Variants in ATOSA observed in about 807,000 individuals in gnomAD.
The protein encoded by ATOSA is atos homolog protein A.
At chr15:52,587,852 C>T in the ATOSA span, among the ~76,000 whole-genome samples, 1 of 152,102 alleles carries the variant, frequency 6.6e-6, no homozygotes, top group Non-Finnish European at 1.5e-5. Flanking sequence ...ATCTCACTTT[C>T]CTAAAATTAA....
the ATOSA span, among the ~76,000 whole-genome samples, chr15:52,623,245 T>C: frequency 6.6e-6 from 1 of 151,984 alleles, no homozygotes; most frequent in Non-Finnish European, 1.5e-5. Flanking sequence ...TTATTCTAAA[T>C]GGAATGGGGA....
chr15:52,647,000 G>A, the ATOSA span, among the ~76,000 whole-genome samples: 1 of 152,114 alleles, frequency 6.6e-6, no homozygotes, highest in South Asian at 2.1e-4. Flanking sequence ...ATACACCAAT[G>A]CAATGTAGTC....
the ATOSA span, among the ~76,000 whole-genome samples, chr15:52,622,813 G>C: frequency 1.3e-5 from 2 of 151,988 alleles, no homozygotes; most frequent in African/African-American, 2.4e-5. Context: ...AGTGGGGAGA[G>C]AGGGAAAGCA....
the ATOSA span, among the ~76,000 whole-genome samples, chr15:52,626,871 C>A: frequency 6.6e-6 from 1 of 152,144 alleles, no homozygotes; most frequent in Non-Finnish European, 1.5e-5. Flanking sequence ...CTGTCAAGGT[C>A]ATTCTTGTTG....
chr15:52,621,456 CAG>C, the ATOSA span, among the ~76,000 whole-genome samples: 2 of 152,182 alleles, frequency 1.3e-5, no homozygotes, highest in African/African-American at 4.8e-5. Context: ...TTTAATTAAT[CAG>C]AGTTATTACT....
the ATOSA span, among the ~76,000 whole-genome samples, chr15:52,663,676 C>T: frequency 1.4e-4 from 22 of 152,162 alleles, no homozygotes; most frequent in Admixed American, 1.0e-3. Context: ...GGCTAGAGTG[C>T]AATGGCTTTA....
At chr15:52,622,898 G>A in the ATOSA span, among the ~76,000 whole-genome samples, 1 of 152,052 alleles carries the variant, frequency 6.6e-6, no homozygotes, top group East Asian at 1.9e-4. Flanking sequence ...CAAGATGGGT[G>A]GATTGCTTAA....
the ATOSA span, among the ~76,000 whole-genome samples, chr15:52,619,251 A>G: frequency 1.4e-4 from 21 of 152,190 alleles, no homozygotes; most frequent in Admixed American, 3.3e-4. Flanking sequence ...GTACTTGAAA[A>G]TTGGCAGTAA....
the ATOSA span, among the ~76,000 whole-genome samples, chr15:52,680,135 G>A: frequency 1.4e-4 from 22 of 152,196 alleles, no homozygotes; most frequent in East Asian, 4.2e-3. Flanking sequence ...TTGTTGGGGA[G>A]CTGTAATTTT....
the ATOSA span, among the ~76,000 whole-genome samples, chr15:52,655,707 A>G: frequency 6.6e-6 from 1 of 152,160 alleles, no homozygotes; most frequent in Non-Finnish European, 1.5e-5. Context: ...TTTGAGGGAT[A>G]GGGGATAATG....
the ATOSA span, among the ~76,000 whole-genome samples, chr15:52,620,992 G>C: frequency 6.6e-6 from 1 of 152,114 alleles, no homozygotes; most frequent in Non-Finnish European, 1.5e-5. Context: ...GCGCAATCGA[G>C]TATTGTGAAT....
chr15:52,596,979 G>A, the ATOSA span, among the ~76,000 whole-genome samples: 1 of 152,116 alleles, frequency 6.6e-6, no homozygotes, highest in South Asian at 2.1e-4. Flanking sequence ...AGTCATCAGG[G>A]AAATACAAAT....
At chr15:52,677,105 A>G in the ATOSA span, among the ~76,000 whole-genome samples, 1 of 152,230 alleles carries the variant, frequency 6.6e-6, no homozygotes, top group African/African-American at 2.4e-5. Flanking sequence ...CTTTGAAAAA[A>G]TATATGGAAA....
the ATOSA span, among the ~76,000 whole-genome samples, chr15:52,620,282 A>T: frequency 0.04 from 6,024 of 152,242 alleles, 333 homozygotes; most frequent in African/African-American, 0.13. Context: ...TGTAAGCGAG[A>T]GGTTCAATTA....
the ATOSA span, among the ~76,000 whole-genome samples, chr15:52,699,151 G>A: frequency 1.3e-5 from 2 of 152,238 alleles, no homozygotes; most frequent in African/African-American, 4.8e-5. Context: ...GCCACTAATG[G>A]CTCAGAAATC....
the ATOSA span, among the ~76,000 whole-genome samples, chr15:52,690,390 A>G: frequency 6.6e-6 from 1 of 152,216 alleles, no homozygotes; most frequent in African/African-American, 2.4e-5. Flanking sequence ...GAAGCATGTG[A>G]TCTACATTTG....
At chr15:52,617,613 A>C in the ATOSA span, among the ~76,000 whole-genome samples, 1 of 152,070 alleles carries the variant, frequency 6.6e-6, no homozygotes, top group South Asian at 2.1e-4. Context: ...CTCATTTTTC[A>C]GAGATACCTA....
chr15:52,596,071 G>A, the ATOSA span, among the ~76,000 whole-genome samples: 5 of 152,162 alleles, frequency 3.3e-5, no homozygotes, highest in South Asian at 1.0e-3. Context: ...GTATGATCAC[G>A]CAGCTACACT....
chr15:52,688,836 G>A, the ATOSA span, among the ~76,000 whole-genome samples: 1 of 152,196 alleles, frequency 6.6e-6, no homozygotes, highest in Non-Finnish European at 1.5e-5. Context: ...AATAAGACAA[G>A]GACTGAGAAA....
Sources: allele counts gnomAD v4.1 joint callset (sites outside exome capture counted in the v4.1 genomes callset), GRCh38; gene constraint gnomAD v4.1.1; transcripts MANE v1.5; gene names NCBI Gene and HGNC (gene_info 2026-07-23, HGNC 2026-07-21).